Variants in MICAL2 observed in about 807,000 individuals in gnomAD.
The protein encoded by MICAL2 is [F-actin]-monooxygenase MICAL2.
A neutral mutation model predicts 127.3 loss-of-function variants in MICAL2; 77 were observed. That is an observed-to-expected ratio of 0.60 (90% CI 0.50 to 0.73). The LOEUF is 0.73. Ranked by LOEUF, MICAL2 falls within the 30% of genes least tolerant of loss-of-function variation. The probability of loss-of-function intolerance (pLI) is 0.00; values close to 1 mark genes in which losing one functional copy is unlikely to be tolerated. For synonymous variants in MICAL2, 570 were observed against 551.1 expected, an observed-to-expected ratio of 1.03 and a Z score of -0.48; for missense variants, 1,351 against 1,434.4, an observed-to-expected ratio of 0.94 and a Z score of 0.94.
intron 32 of MICAL2, among the ~76,000 whole-genome samples, chr11:12,336,730 G>A (rs1292227159): frequency 1.3e-5 from 2 of 151,956 alleles, no homozygotes; most frequent in African/African-American, 4.8e-5. Context: ...TTTGTCTTTG[G>A]TTCTGTTTAT....
chr11:12,264,378 G>A (rs1863515626), downstream of MICAL2, among the ~76,000 whole-genome samples: 1 of 152,162 alleles, frequency 6.6e-6, no homozygotes, highest in Admixed American at 6.5e-5. Flanking sequence ...AGTATCTATG[G>A]TGTGAGGCCC....
At chr11:12,338,385 T>A (rs1938803093) in intron 32 of MICAL2, among the ~76,000 whole-genome samples, 1 of 152,226 alleles carries the variant, frequency 6.6e-6, no homozygotes, top group Non-Finnish European at 1.5e-5. Context: ...TACAGCACAC[T>A]GATGGGTCTT....
intron 32 of MICAL2, among the ~76,000 whole-genome samples, chr11:12,347,097 C>T (rs943469759): frequency 2.0e-5 from 3 of 152,172 alleles, no homozygotes; most frequent in South Asian, 2.1e-4. Context: ...CTGTCTCCAC[C>T]GTCTTCTTCC....
chr11:12,319,901 G>A (rs1590736070), intron 30 of MICAL2: 2 of 934,208 alleles, frequency 2.1e-6, no homozygotes, highest in East Asian at 4.8e-5. Context: ...TCCAGCTGCA[G>A]TGGTTTCCTT....
intron 2 of MICAL2, among the ~76,000 whole-genome samples, chr11:12,284,673 G>A (rs1001480587): frequency 6.6e-6 from 1 of 152,166 alleles, no homozygotes; most frequent in African/African-American, 2.4e-5. Flanking sequence ...TGGCCAGCAG[G>A]ATGTAGCTGT....
At chr11:12,209,435 G>A (rs970310567) in intron 5 of MICAL2, 62 bp from the exon 6 acceptor site, 45 of 1,290,080 alleles carry the variant, frequency 3.5e-5, no homozygotes, top group Middle Eastern at 3.7e-4. Flanking sequence ...ACCACACGGG[G>A]GGTATAATCA....
chr11:12,156,717 A>G lies in MICAL2; in HGVS notation c.-77-5362A>G, dbSNP rs185652060. Among the ~76,000 whole-genome samples, 99 of 152,310 alleles carry G rather than the reference A, an allele frequency of 6.5e-4. No homozygotes were observed. The East Asian group carries it at 0.017, about 26-fold the overall frequency. The stretch of plus-strand genomic sequence containing the variant: ...ACCTGGGAGCCAGGTGTTCCTGCCC[A>G]TGGTGGGCTCTGTGGGGATGCACCA... On this transcript the variant is annotated intron_variant, in intron 2 of 27. Coordinates refer to ENST00000683283, the MANE Select transcript of MICAL2 (RefSeq NM_001282663.2).
At chr11:12,192,186 A>T (rs553855715) in intron 3 of MICAL2, among the ~76,000 whole-genome samples, 2 of 152,270 alleles carry the variant, frequency 1.3e-5, no homozygotes, top group South Asian at 4.1e-4. Flanking sequence ...AAAATGTGCT[A>T]ATCTGAGGGA....
intron 3 of MICAL2, among the ~76,000 whole-genome samples, chr11:12,178,459 G>C (rs1030296150): frequency 5.3e-5 from 8 of 151,942 alleles, no homozygotes; most frequent in African/African-American, 1.9e-4. Context: ...ATACATGTAA[G>C]GTATGGGGGT....
At chr11:12,259,759 TACAG>T (rs1565273290) in intron 25 of MICAL2, 32 bp from the exon 26 acceptor site, 1 of 1,510,984 alleles carries the variant, frequency 6.6e-7, no homozygotes. Flanking sequence ...CTGGAAGACT[TACAG>T]ACAAATGCCC....
At chr11:12,127,648 T>C (rs1851054248) in intron 1 of MICAL2, among the ~76,000 whole-genome samples, 1 of 152,150 alleles carries the variant, frequency 6.6e-6, no homozygotes, top group Non-Finnish European at 1.5e-5. Flanking sequence ...CAAGGCCAGA[T>C]CCTACTGGGA....
intron 29 of MICAL2, among the ~76,000 whole-genome samples, chr11:12,298,171 G>A (rs1462814557): frequency 6.6e-6 from 1 of 151,648 alleles, no homozygotes; most frequent in Non-Finnish European, 1.5e-5. Flanking sequence ...TGTCTTTTTT[G>A]TGACCCTCAG....
At chr11:12,183,064 G>C (rs1857682686) in intron 3 of MICAL2, among the ~76,000 whole-genome samples, 1 of 152,154 alleles carries the variant, frequency 6.6e-6, no homozygotes, top group African/African-American at 2.4e-5. Flanking sequence ...TGTCTTGGTG[G>C]AAAGGCGCTA....
Position 12,255,640 on chromosome 11 carries a change from T to A in MICAL2, c.2848-3T>A. On this transcript the variant is annotated splice_polypyrimidine_tract_variant and splice_region_variant and intron_variant, in intron 22 of 27. Coordinates refer to ENST00000683283, the MANE Select transcript of MICAL2 (RefSeq NM_001282663.2). ...TGTCTCCTCTGCCTCTGCTCTTGGT[T>A]AGCTGACGGTAGGGAAAGTGTCCAG... 6.2e-7 allele frequency: 1 copy of A among 1,613,962 alleles called. No individual in the cohort carries two copies. The highest frequency in any genetic ancestry group is 8.5e-7 in the Non-Finnish European group (1 of 1,179,930).
chr11:12,174,749 C>G (rs1331068455), intron 3 of MICAL2, among the ~76,000 whole-genome samples: 1 of 152,108 alleles, frequency 6.6e-6, no homozygotes, highest in African/African-American at 2.4e-5. Context: ...TGAGGAACCA[C>G]CAAACTGTTT....
chr11:12,343,133 C>G (rs1000138789), intron 32 of MICAL2, among the ~76,000 whole-genome samples: 2 of 152,070 alleles, frequency 1.3e-5, no homozygotes, highest in Admixed American at 1.3e-4. Context: ...ATAGGCTGGG[C>G]GCCGTGGCTC....
At chr11:12,324,627 C>A (rs953874941) in intron 31 of MICAL2, among the ~76,000 whole-genome samples, 1 of 152,212 alleles carries the variant, frequency 6.6e-6, no homozygotes, top group Non-Finnish European at 1.5e-5. Context: ...GCATCCTCCA[C>A]CTCTCTGAGG....
At chr11:12,294,218 G>T (rs377367208), downstream of MICAL2, 4 of 1,614,074 alleles carry the variant, frequency 2.5e-6, no homozygotes, top group Non-Finnish European at 3.4e-6. Flanking sequence ...GGAGCGAAAC[G>T]TGCCTCCACC....
At chr11:12,128,056 C>T (rs777947586) in intron 1 of MICAL2, among the ~76,000 whole-genome samples, 2 of 152,128 alleles carry the variant, frequency 1.3e-5, no homozygotes, top group African/African-American at 4.8e-5. Context: ...TCTGCATATA[C>T]GTATGTGTGT....
Sources: allele counts gnomAD v4.1 joint callset (sites outside exome capture counted in the v4.1 genomes callset), GRCh38; gene constraint gnomAD v4.1.1; transcripts MANE v1.5; gene names NCBI Gene and HGNC (gene_info 2026-07-23, HGNC 2026-07-21).